The following TSHZ2 variants were observed in gnomAD, a reference collection of about 807,000 sequenced individuals.
TSHZ2 encodes teashirt zinc finger homeobox 2, also known as teashirt homolog 2.
Under a neutral mutation model 74.4 loss-of-function variants are expected in TSHZ2, and 21 were observed. The observed-to-expected ratio is 0.28, with a 90% CI of 0.20 to 0.41. The LOEUF (loss-of-function observed/expected upper bound fraction) is 0.41. Ranked by LOEUF, TSHZ2 falls within the 10% of genes least tolerant of loss-of-function variation. The pLI is 1.00. For synonymous variants in TSHZ2, 540 were observed against 515.3 expected (o/e 1.05, Z -0.65); for missense variants, 1,244 against 1,293.5 (o/e 0.96, Z 0.59).
Position 53,488,833 on chromosome 20 carries a change from A to AT in TSHZ2, c.*1700dup, listed in dbSNP as rs1043465833. On this transcript the variant is annotated 3_prime_UTR_variant, in exon 3 of 3. Transcript: ENST00000371497. ...CATGATCCCTAAATTCAACATTGGG[A>AT]TTAAAAAAAAAAAAAAACTTCTTAT... 9 of 327,104 alleles carry AT rather than the reference A, an allele frequency of 2.8e-5. No homozygotes were observed. Among genetic ancestry groups the AT allele is most frequent in the Admixed American group, 1.3e-4 (3 of 23,698 alleles). 20.3% of individuals were successfully genotyped at this position (327,104 alleles called of 1,614,324 possible).
intron 1 of TSHZ2, among the ~76,000 whole-genome samples, chr20:53,250,466 T>C (rs1990299622): frequency 6.6e-6 from 1 of 152,144 alleles, no homozygotes; most frequent in African/African-American, 2.4e-5. Context: ...CAGTTTTAGA[T>C]GTATAATATT....
intron 1 of TSHZ2, among the ~76,000 whole-genome samples, chr20:53,016,195 T>C (rs947820435): frequency 3.3e-5 from 5 of 152,198 alleles, no homozygotes; most frequent in African/African-American, 9.7e-5. Flanking sequence ...CCCTGAGGAA[T>C]GGCTCATTTT....
At chr20:53,146,616 TAATA>T (rs1421802041) in intron 1 of TSHZ2, among the ~76,000 whole-genome samples, 1 of 152,210 alleles carries the variant, frequency 6.6e-6, no homozygotes, top group East Asian at 1.9e-4. Flanking sequence ...TGAGGATGTG[TAATA>T]AATAAATGTG....
chr20:53,056,426 A>T (rs1294252136), intron 1 of TSHZ2, among the ~76,000 whole-genome samples: 7 of 152,360 alleles, frequency 4.6e-5, no homozygotes, highest in African/African-American at 1.7e-4. Flanking sequence ...GATTCTGTGT[A>T]TCATTTCGCC....
At chr20:53,304,215 G>T (rs1305518940) in intron 2 of TSHZ2, among the ~76,000 whole-genome samples, 2 of 114,904 alleles carry the variant, frequency 1.7e-5, no homozygotes, top group African/African-American at 7.0e-5. Context: ...ACAGTCCCCA[G>T]AGTGTGATGT....
intron 2 of TSHZ2, among the ~76,000 whole-genome samples, chr20:53,476,764 T>C (rs201262502): frequency 0.19 from 27,004 of 144,724 alleles, 2,650 homozygotes; most frequent in East Asian, 0.28. Flanking sequence ...GAAAACCCCA[T>C]TGTCTCACCC....
intron 2 of TSHZ2, among the ~76,000 whole-genome samples, chr20:53,364,454 T>C (rs1981182881): frequency 6.6e-6 from 1 of 151,628 alleles, no homozygotes; most frequent in South Asian, 2.1e-4. Context: ...AAGCCATCAC[T>C]TTCTGCCTGA....
chr20:52,994,835 T>C (rs1172442027), intron 1 of TSHZ2, among the ~76,000 whole-genome samples: 2 of 152,222 alleles, frequency 1.3e-5, no homozygotes, highest in African/African-American at 2.4e-5. Flanking sequence ...GAAACTGTGA[T>C]AACCAGATGC....
At chr20:53,072,982 C>T (rs1320541825) in intron 1 of TSHZ2, among the ~76,000 whole-genome samples, 2 of 150,858 alleles carry the variant, frequency 1.3e-5, no homozygotes, top group Admixed American at 6.6e-5. Context: ...TCCATCCATC[C>T]CTCCCTTCAT....
chr20:53,187,709 G>A (rs542794418), intron 1 of TSHZ2, among the ~76,000 whole-genome samples: 1 of 151,574 alleles, frequency 6.6e-6, no homozygotes, highest in South Asian at 2.1e-4. Context: ...TTTTTTTAAG[G>A]TGAGAGGACA....
chr20:53,242,930 C>T (rs973720477), intron 1 of TSHZ2, among the ~76,000 whole-genome samples: 22 of 152,152 alleles, frequency 1.4e-4, no homozygotes, highest in African/African-American at 5.3e-4. Context: ...TTGACCTGCC[C>T]TCTGGGAGCT....
intron 1 of TSHZ2, among the ~76,000 whole-genome samples, chr20:53,048,301 G>A (rs572151717): frequency 6.6e-6 from 1 of 152,108 alleles, no homozygotes; most frequent in East Asian, 1.9e-4. Flanking sequence ...ATTTTTAAAA[G>A]AAGGGGAGGA....
At chr20:53,452,492 C>T (rs1044827517) in intron 2 of TSHZ2, among the ~76,000 whole-genome samples, 1 of 151,304 alleles carries the variant, frequency 6.6e-6, no homozygotes, top group Non-Finnish European at 1.5e-5. Context: ...CCCAGCTACT[C>T]GGGAGGCTGA....
chr20:53,205,759 T>C (rs1197616915), intron 1 of TSHZ2, among the ~76,000 whole-genome samples: 1 of 152,220 alleles, frequency 6.6e-6, no homozygotes, highest in Admixed American at 6.5e-5. Flanking sequence ...TGCCTTCATC[T>C]GCTTCTAAAA....
intron 1 of TSHZ2, among the ~76,000 whole-genome samples, chr20:53,001,440 T>C (rs1982439120): frequency 6.6e-6 from 1 of 152,114 alleles, no homozygotes; most frequent in African/African-American, 2.4e-5. Context: ...CATGACCTGT[T>C]TGAACAACTA....
intron 1 of TSHZ2, among the ~76,000 whole-genome samples, chr20:52,986,663 A>C (rs757088978): frequency 3.9e-4 from 59 of 151,004 alleles, no homozygotes; most frequent in Non-Finnish European, 8.3e-4. Context: ...CAGGAGGCGG[A>C]GATTGAAGTG....
intron 2 of TSHZ2, among the ~76,000 whole-genome samples, chr20:53,397,478 A>C (rs1357235824): frequency 1.3e-5 from 2 of 152,222 alleles, no homozygotes; most frequent in Non-Finnish European, 2.9e-5. Context: ...AAGAAACAAC[A>C]GGTGCTGGAG....
intron 1 of TSHZ2, among the ~76,000 whole-genome samples, chr20:53,243,059 C>T (rs913223091): frequency 3.9e-5 from 6 of 151,916 alleles, no homozygotes; most frequent in Admixed American, 1.3e-4. Flanking sequence ...TTGGTAATTT[C>T]GGAGGAGTAA....
chr20:53,097,414 A>G (rs1986086206), intron 1 of TSHZ2, among the ~76,000 whole-genome samples: 1 of 152,216 alleles, frequency 6.6e-6, no homozygotes. Context: ...TTCCTGATGC[A>G]GAGATGGGGA....
Sources: gnomAD v4.1 joint callset for allele counts (sites outside exome capture counted in the v4.1 genomes callset) on GRCh38, gnomAD v4.1.1 for gene constraint, MANE v1.5 for transcripts, NCBI Gene and HGNC (gene_info 2026-07-23, HGNC 2026-07-21) for gene names.